Variants in SEL1L3 observed in about 807,000 individuals in gnomAD.
The protein encoded by SEL1L3 is protein sel-1 homolog 3.
In SEL1L3, 76 loss-of-function variants were observed where a neutral mutation model predicts 142.8. The observed-to-expected ratio is 0.53, with a 90% CI of 0.44 to 0.64. The LOEUF is 0.64. Among genes scored for constraint, SEL1L3 ranks in the 30% least tolerant of loss-of-function variants. The pLI, the probability that SEL1L3 is intolerant of heterozygous loss-of-function variation, is 0.00. For synonymous variants in SEL1L3, 504 were observed against 519.6 expected, an observed-to-expected ratio of 0.97 and a Z score of 0.41; for missense variants, 1,262 against 1,381.7, an observed-to-expected ratio of 0.91 and a Z score of 1.37.
At chr4:25,822,839 C>T (rs1230273935) in intron 6 of SEL1L3, among the ~76,000 whole-genome samples, 4 of 152,166 alleles carry the variant, frequency 2.6e-5, no homozygotes, top group Admixed American at 6.5e-5. Context: ...TGTTTATATT[C>T]GCCAAAGATG....
intron 16 of SEL1L3, chr4:25,776,837 AT>A (rs10714311): frequency 0.21 from 31,841 of 151,828 alleles, 3,529 homozygotes; most frequent in Middle Eastern, 0.28. Flanking sequence ...AAGTAGAATA[AT>A]TTTTTTAAAT....
At position 25,819,929 on chromosome 4, in the gene SEL1L3, G is replaced by A. The variant is rs966275124; in HGVS notation, c.1302C>T (p.Pro434=). The A allele has an allele frequency of 8.1e-6, 13 of 1,610,016 alleles. 1 individual carries two copies. The highest frequency in any genetic ancestry group is 8.5e-6 in the Non-Finnish European group (10 of 1,178,290). ...RSLHPAQIFN[P]LLEKQLAEQI... ...GTTCAGCAAGTTGCTTCTCAAGGAG[G>A]GGATTAAAAATCTACAAGAAGGCAA... is the stretch of plus-strand genomic sequence containing the variant. Residue 434 remains proline, a synonymous_variant, in exon 8 of 24, where the codon CCC becomes CCT. Transcript: ENST00000399878.
At chr4:25,839,985 A>G (rs895746841) in intron 2 of SEL1L3, among the ~76,000 whole-genome samples, 1 of 152,230 alleles carries the variant, frequency 6.6e-6, no homozygotes, top group South Asian at 2.1e-4. Context: ...AACTTTAAAA[A>G]AAGTATTCTT....
chr4:25,736,032 T>C, the SEL1L3 span, among the ~76,000 whole-genome samples: 1 of 151,864 alleles, frequency 6.6e-6, no homozygotes, highest in African/African-American at 2.4e-5. Context: ...GGTTTCACCG[T>C]GTTAGCCAGG....
intron 11 of SEL1L3, among the ~76,000 whole-genome samples, chr4:25,791,245 C>T (rs1056407482): frequency 9.9e-5 from 15 of 152,166 alleles, no homozygotes; most frequent in African/African-American, 3.4e-4. Context: ...TATCTTTTGG[C>T]TATTTCCAAA....
intron 9 of SEL1L3, among the ~76,000 whole-genome samples, chr4:25,811,267 T>C (rs570146866): frequency 6.6e-6 from 1 of 151,856 alleles, no homozygotes; most frequent in East Asian, 1.9e-4. Context: ...TGTAAATGAG[T>C]GTGCACAGAC....
the SEL1L3 span, among the ~76,000 whole-genome samples, chr4:25,729,074 A>G: frequency 1.3e-5 from 2 of 151,928 alleles, no homozygotes; most frequent in East Asian, 1.9e-4. Flanking sequence ...GAAGCCTTGG[A>G]AAAAAAAGAA....
chr4:25,835,978 G>C (rs1258562256), intron 2 of SEL1L3, among the ~76,000 whole-genome samples: 2 of 152,126 alleles, frequency 1.3e-5, no homozygotes, highest in Non-Finnish European at 2.9e-5. Context: ...CATCAGAGAG[G>C]GTTAAATAAG....
chr4:25,833,590 A>G (rs2109285191), intron 3 of SEL1L3, 21 bp from the exon 4 acceptor site: 1 of 1,587,916 alleles, frequency 6.3e-7, no homozygotes, highest in East Asian at 2.3e-5. Context: ...GAGGGGGAAA[A>G]AAATTCTGCA....
intron 1 of SEL1L3, 110 bp downstream of exon 1, chr4:25,862,565 A>T (rs1717797755): frequency 2.0e-6 from 1 of 502,486 alleles, no homozygotes; most frequent in Admixed American, 4.8e-5. Flanking sequence ...GGAAGAGAGA[A>T]AACTAGCAGC....
At chr4:25,773,044 G>A (rs181753539) in intron 17 of SEL1L3, among the ~76,000 whole-genome samples, 34 of 152,220 alleles carry the variant, frequency 2.2e-4, no homozygotes, top group African/African-American at 1.9e-4. Flanking sequence ...TGATCCACCC[G>A]CCTTGGCCTC....
At chr4:25,742,629 A>G (rs1157117832), downstream of SEL1L3, among the ~76,000 whole-genome samples, 1 of 152,206 alleles carries the variant, frequency 6.6e-6, no homozygotes. Context: ...CTTGATAAAC[A>G]TCTAATGAGT....
At chr4:25,812,385 T>A (rs956694811) in intron 9 of SEL1L3, among the ~76,000 whole-genome samples, 2 of 152,190 alleles carry the variant, frequency 1.3e-5, no homozygotes, top group Non-Finnish European at 2.9e-5. Context: ...TCCTGCATAA[T>A]GACTGTCGAC....
At chr4:25,785,115 C>A (rs1200964823) in intron 13 of SEL1L3, among the ~76,000 whole-genome samples, 1 of 152,168 alleles carries the variant, frequency 6.6e-6, no homozygotes, top group Non-Finnish European at 1.5e-5. Flanking sequence ...TCCCCATGTG[C>A]CACATGGGGT....
chr4:25,794,970 CT>C (rs1712615311), intron 11 of SEL1L3, among the ~76,000 whole-genome samples: 2 of 145,972 alleles, frequency 1.4e-5, no homozygotes, highest in Middle Eastern at 7.2e-3. Flanking sequence ...AAACCAAACA[CT>C]GCATCTTCTC....
chr4:25,799,369 C>T (rs1268576940), intron 11 of SEL1L3, among the ~76,000 whole-genome samples: 2 of 152,196 alleles, frequency 1.3e-5, no homozygotes, highest in Non-Finnish European at 2.9e-5. Context: ...CCTACCATAC[C>T]TGGCCTCTAA....
the SEL1L3 span, among the ~76,000 whole-genome samples, chr4:25,724,749 AAAAAAAAAAAAAAAAAAAAAAAG>A: frequency 2.1e-5 from 2 of 95,886 alleles, no homozygotes; most frequent in South Asian, 3.9e-4. Flanking sequence ...AAAAAAAAAA[AAAAAAAAAAAAAAAAAAAAAAAG>A]GAAAAGAAAT....
intron 1 of SEL1L3, chr4:25,862,056 C>G (rs914140998): frequency 6.6e-6 from 1 of 152,258 alleles, no homozygotes. Flanking sequence ...AGTCACCACT[C>G]TGGCGGTAAG....
At chr4:25,832,969 G>A (rs201833616) in intron 5 of SEL1L3, 26 bp downstream of exon 5, 29 of 1,320,874 alleles carry the variant, frequency 2.2e-5, no homozygotes, top group South Asian at 5.9e-5. Flanking sequence ...CTCGTATGTC[G>A]TGTGATGAAG....
Sources: allele counts gnomAD v4.1 joint callset (sites outside exome capture counted in the v4.1 genomes callset), GRCh38; gene constraint gnomAD v4.1.1; transcripts MANE v1.5; gene names NCBI Gene and HGNC (gene_info 2026-07-23, HGNC 2026-07-21).